CNST: variants seen among roughly 807,000 people sequenced by gnomAD.
The protein encoded by CNST is consortin.
Under a neutral mutation model 72.4 loss-of-function variants are expected in CNST, and 39 were observed. The observed-to-expected ratio is 0.54, with a 90% confidence interval of 0.42 to 0.70. CNST has a LOEUF of 0.70. Ranked by LOEUF, CNST falls within the 30% of genes least tolerant of loss-of-function variation. The pLI is 0.00. For missense variants in CNST, 871 were observed against 868.5 expected, an observed-to-expected ratio of 1.00 and a Z score of -0.04; for synonymous variants, 332 against 320.1, an observed-to-expected ratio of 1.04 and a Z score of -0.40.
At chr1:246,622,408 GTGGACACTTGGGAACAGA>G (rs1664154376) in intron 3 of CNST, among the ~76,000 whole-genome samples, 1 of 152,204 alleles carries the variant, frequency 6.6e-6, no homozygotes, top group Non-Finnish European at 1.5e-5. Context: ...ATTCTGCCCT[GTGGACACTTGGGAACAGA>G]AGGCGACTCT....
At chr1:246,587,111 A>G (rs1242031409) in intron 1 of CNST, among the ~76,000 whole-genome samples, 1 of 152,198 alleles carries the variant, frequency 6.6e-6, no homozygotes, top group Non-Finnish European at 1.5e-5. Context: ...ATAAACTTAA[A>G]ACACTGATAC....
intron 2 of CNST, among the ~76,000 whole-genome samples, chr1:246,615,024 A>G (rs1663586443): frequency 6.6e-6 from 1 of 152,246 alleles, no homozygotes; most frequent in Admixed American, 6.5e-5. Flanking sequence ...GTTTCACAAA[A>G]TGCCTCTTGA....
intron 3 of CNST, among the ~76,000 whole-genome samples, chr1:246,624,097 C>G (rs1324909677): frequency 6.6e-6 from 1 of 152,132 alleles, no homozygotes; most frequent in Non-Finnish European, 1.5e-5. Context: ...TAGGTTTTGT[C>G]CCAATTCAGG....
At chr1:246,572,133 G>A (rs1041140043) in intron 1 of CNST, among the ~76,000 whole-genome samples, 2 of 152,198 alleles carry the variant, frequency 1.3e-5, no homozygotes, top group South Asian at 4.1e-4. Context: ...TCTGGAGGCT[G>A]AGGTGGGAGG....
intron 3 of CNST, 22 bp from the exon 4 acceptor site, chr1:246,631,870 CTG>C (rs1468856899): frequency 7.0e-7 from 1 of 1,432,808 alleles, no homozygotes; most frequent in African/African-American, 1.4e-5. Flanking sequence ...TTAATTTTCT[CTG>C]TGTTTTCTTT....
intron 10 of CNST, among the ~76,000 whole-genome samples, chr1:246,665,047 A>G (rs974710490): frequency 3.3e-4 from 50 of 152,084 alleles, no homozygotes; most frequent in African/African-American, 1.2e-3. Context: ...AGGATCTTAG[A>G]ACAGCCAGGC....
At chr1:246,634,965 C>T (rs1181767991) in intron 6 of CNST, among the ~76,000 whole-genome samples, 1 of 151,196 alleles carries the variant, frequency 6.6e-6, no homozygotes, top group East Asian at 1.9e-4. Context: ...GCGTGTCTTC[C>T]GGCCGGGGTG....
chr1:246,633,148 A>G (rs1664883258), intron 4 of CNST, among the ~76,000 whole-genome samples: 1 of 152,154 alleles, frequency 6.6e-6, no homozygotes, highest in Non-Finnish European at 1.5e-5. Context: ...TACCTACTTC[A>G]AAACCAAGAA....
At chr1:246,567,801 A>G (rs1325184488) in intron 1 of CNST, among the ~76,000 whole-genome samples, 1 of 152,144 alleles carries the variant, frequency 6.6e-6, no homozygotes, top group Non-Finnish European at 1.5e-5. Context: ...AATTTTCTAG[A>G]GGTGACTTTG....
At chr1:246,626,542 C>G (rs1349346853) in intron 3 of CNST, among the ~76,000 whole-genome samples, 1 of 149,934 alleles carries the variant, frequency 6.7e-6, no homozygotes, top group African/African-American at 2.5e-5. Context: ...ACTACAACCT[C>G]CGCTTCCCGA....
At chr1:246,617,121 T>C (rs564235536) in intron 2 of CNST, among the ~76,000 whole-genome samples, 59 of 152,300 alleles carry the variant, frequency 3.9e-4, no homozygotes, top group African/African-American at 1.4e-3. Flanking sequence ...TAGCATATTA[T>C]CCCTTACTAA....
chr1:246,641,726 T>G (rs372642765), intron 6 of CNST, 23 bp from the exon 7 acceptor site: 24 of 1,271,190 alleles, frequency 1.9e-5, no homozygotes, highest in Non-Finnish European at 2.5e-5. Flanking sequence ...TTAAAATTCT[T>G]TTTTCTTTCT....
At chr1:246,649,862 C>G (rs906007823) in intron 9 of CNST, among the ~76,000 whole-genome samples, 1 of 150,502 alleles carries the variant, frequency 6.6e-6, no homozygotes, top group Non-Finnish European at 1.5e-5. Flanking sequence ...CAGAGCAATT[C>G]TTTGAGTTTT....
Position 246,621,892 on chromosome 1 carries a change from G to A in CNST, c.585+258G>A, listed in dbSNP as rs559007643. The stretch of plus-strand genomic sequence containing the variant: ...CACCTGTAGTCCCAGCTACTTGGGA[G>A]GCCAAGGTGGGACGATCACTCAAGC... On this transcript the variant is annotated intron_variant, in intron 3 of 10. Transcript: ENST00000366513. Among the ~76,000 whole-genome samples, 249 of 152,302 alleles carry A rather than the reference G, an allele frequency of 1.6e-3. 1 individual carries two copies. Among genetic ancestry groups the A allele is most frequent in the African/African-American group, 5.8e-3 (241 of 41,560 alleles).
intron 1 of CNST, among the ~76,000 whole-genome samples, chr1:246,581,415 C>T (rs1660776268): frequency 1.3e-5 from 2 of 152,356 alleles, no homozygotes; most frequent in South Asian, 4.1e-4. Flanking sequence ...AGGCATGCGC[C>T]TCCACGCCTG....
At chr1:246,661,480 C>T (rs924451161) in intron 10 of CNST, among the ~76,000 whole-genome samples, 3 of 152,226 alleles carry the variant, frequency 2.0e-5, no homozygotes, top group Non-Finnish European at 4.4e-5. Context: ...TATGAATATT[C>T]TCTTCAGTGA....
At chr1:246,627,042 CT>C (rs1176658185) in intron 3 of CNST, among the ~76,000 whole-genome samples, 4 of 152,206 alleles carry the variant, frequency 2.6e-5, no homozygotes, top group African/African-American at 9.7e-5. Flanking sequence ...ACCTCTTTCA[CT>C]GCTACCATTT....
At chr1:246,585,241 A>G (rs1393691121) in intron 1 of CNST, among the ~76,000 whole-genome samples, 1 of 152,164 alleles carries the variant, frequency 6.6e-6, no homozygotes, top group Non-Finnish European at 1.5e-5. Context: ...TCCGGCTTCC[A>G]AACTGAAGCT....
chr1:246,569,414 C>G (rs1185876913), intron 1 of CNST, among the ~76,000 whole-genome samples: 1 of 152,138 alleles, frequency 6.6e-6, no homozygotes, highest in Middle Eastern at 3.2e-3. Context: ...CTGAGCAGCA[C>G]AAATGATAGG....
Sources: allele counts gnomAD v4.1 joint callset (sites outside exome capture counted in the v4.1 genomes callset), GRCh38; gene constraint gnomAD v4.1.1; transcripts MANE v1.5; gene names NCBI Gene and HGNC (gene_info 2026-07-23, HGNC 2026-07-21).